Variants in SLC2A14 observed in about 807,000 individuals in gnomAD.
SLC2A14 encodes the protein solute carrier family 2, facilitated glucose transporter member 14.
SLC2A14 carries 13 observed loss-of-function variants against 43.0 expected under a neutral mutation model. The observed-to-expected ratio is 0.30, with a 90% CI of 0.20 to 0.48. SLC2A14 has a LOEUF of 0.48. Among genes scored for constraint, SLC2A14 ranks in the 20% least tolerant of loss-of-function variants. The pLI, the probability that SLC2A14 is intolerant of heterozygous loss-of-function variation, is 0.99. For synonymous variants in SLC2A14, 190 were observed against 233.8 expected, an observed-to-expected ratio of 0.81 and a Z score of 1.71; for missense variants, 428 against 620.4, an observed-to-expected ratio of 0.69 and a Z score of 3.29.
chr12:7,817,775 G>GATAGATAT, intron 10 of SLC2A14, 56 bp downstream of exon 10: 2 of 1,583,632 alleles, frequency 1.3e-6, no homozygotes, highest in Non-Finnish European at 8.6e-7. Context: ...TAGATAGATA[G>GATAGATAT]ATAGACAGAT....
At chr12:7,878,504 C>G (rs768542248) in intron 1 of SLC2A14, among the ~76,000 whole-genome samples, 1 of 151,540 alleles carries the variant, frequency 6.6e-6, no homozygotes, top group East Asian at 1.9e-4. Flanking sequence ...AGAGATCTAC[C>G]CACCTAGGCC....
At chr12:7,855,097 C>T (rs140484953) in intron 2 of SLC2A14, among the ~76,000 whole-genome samples, 6 of 152,006 alleles carry the variant, frequency 3.9e-5, no homozygotes, top group South Asian at 2.1e-4. Flanking sequence ...CATGAGCCAC[C>T]GCATCCAGCC....
At chr12:7,837,951 T>C (rs1195230752) in intron 2 of SLC2A14, among the ~76,000 whole-genome samples, 1 of 151,372 alleles carries the variant, frequency 6.6e-6, no homozygotes, top group Non-Finnish European at 1.5e-5. Flanking sequence ...AGAGGTGGGG[T>C]TTTACCATAT....
chr12:7,866,282 A>C (rs1302011727), intron 2 of SLC2A14, among the ~76,000 whole-genome samples: 1 of 151,886 alleles, frequency 6.6e-6, no homozygotes, highest in Non-Finnish European at 1.5e-5. Flanking sequence ...ATATGGAGAA[A>C]GTTTTAGTGG....
intron 2 of SLC2A14, among the ~76,000 whole-genome samples, chr12:7,861,352 A>C (rs113261939): frequency 2.6e-4 from 40 of 152,214 alleles, no homozygotes; most frequent in African/African-American, 9.1e-4. Context: ...TTTTATGTTT[A>C]AGTAGCTTCC....
rs3044922 is a variant in SLC2A14 at position 7,886,151 on chromosome 12, C to CTTTTTTTT, written c.132+4837_132+4844dup. 7.2e-4 allele frequency among the ~76,000 whole-genome samples: 32 copies of CTTTTTTTT among 44,730 alleles called. 1 individual carries two copies. The highest frequency in any genetic ancestry group is 2.7e-3 in the South Asian group (2 of 748). The allele number at this position is 44,730 out of a possible 152,430, so 29.3% of individuals were successfully genotyped here. On this transcript the variant is annotated intron_variant, in intron 1 of 9. Coordinates refer to the SLC2A14 transcript ENST00000539924. ...GGCATGTACCACCACGCCCGGACAGCTTTTTTTTTTTTTTTTTTTTTTTTT... is the reference window on the plus strand; with the variant it reads ...GGCATGTACCACCACGCCCGGACAGCTTTTTTTTTTTTTTTTTTTTTTTTTTTTTTTTT...
chr12:7,815,476 AT>A (rs1000333904), intron 10 of SLC2A14, among the ~76,000 whole-genome samples: 92 of 151,990 alleles, frequency 6.1e-4, no homozygotes, highest in African/African-American at 2.1e-3. Context: ...TTCTGCCGTC[AT>A]TTTTTTTCTA....
In SLC2A14 at chr12:7,821,327, T is replaced by C; in HGVS notation, c.865-2A>G. ...GATTCCTGTTGAGTAATAGAACACC[T>C]AGGAGAAAAGAAAACATGCAGCTTT... On this transcript the variant is annotated splice_acceptor_variant, in intron 7 of 10. Coordinates refer to ENST00000431042, the MANE Select transcript of SLC2A14 (RefSeq NM_001286234.2). LOFTEE classifies it high-confidence loss of function. 6.2e-7 allele frequency: 1 copy of C among 1,610,882 alleles called. No homozygotes were observed. Among genetic ancestry groups the C allele is most frequent in the Non-Finnish European group, 8.5e-7 (1 of 1,177,486 alleles).
Position 7,828,827 on chromosome 12 carries a change from A to G in SLC2A14, c.553T>C (p.Trp185Arg). The G allele has an allele frequency of 6.2e-7, 1 of 1,614,202 alleles. No homozygotes were observed. Among genetic ancestry groups the G allele is most frequent in the Non-Finnish European group, 8.5e-7 (1 of 1,180,028 alleles). ...LELILGSEEL[W>R]PVLLGFTILP... Reference sequence around the variant, plus strand: ...ATGGTAAAGCCTAATAGCACCGGCCATAGCTCTTCAGACCCAAGGATGAGT... The same window carrying G: ...ATGGTAAAGCCTAATAGCACCGGCCGTAGCTCTTCAGACCCAAGGATGAGT... The change falls in exon 6 of 11, where the codon TGG (tryptophan) becomes CGG (arginine). Residue 185 changes from tryptophan to arginine, a missense_variant. By Grantham distance (101) the Trp-to-Arg change is moderately radical. Around this residue, in one of 4 missense-constraint regions of SLC2A14, gnomAD observed 185 missense variants for 275.4 expected, o/e 0.67. Coordinates refer to ENST00000431042, the MANE Select transcript of SLC2A14 (RefSeq NM_001286234.2).
chr12:7,866,277 G>A (rs1944904475), intron 2 of SLC2A14, among the ~76,000 whole-genome samples: 1 of 151,340 alleles, frequency 6.6e-6, no homozygotes, highest in Non-Finnish European at 1.5e-5. Context: ...TGCTGATATG[G>A]AGAAAGTTTT....
intron 2 of SLC2A14, among the ~76,000 whole-genome samples, chr12:7,855,424 A>G (rs761142990): frequency 3.5e-4 from 53 of 151,996 alleles, no homozygotes; most frequent in Non-Finnish European, 6.2e-4. Flanking sequence ...TACAAGCATG[A>G]GCCACTGCGC....
chr12:7,818,576 C>T (rs1285939848), intron 9 of SLC2A14, among the ~76,000 whole-genome samples: 1 of 151,918 alleles, frequency 6.6e-6, no homozygotes, highest in Non-Finnish European at 1.5e-5. Flanking sequence ...GCAGGAGAAT[C>T]AATGAAGCCT....
chr12:7,828,572 G>A (rs1864705806), intron 6 of SLC2A14, 132 bp downstream of exon 6: 1 of 991,020 alleles, frequency 1.0e-6, no homozygotes, highest in Non-Finnish European at 1.5e-6. Flanking sequence ...ACAAAGTAGA[G>A]TAATCAGAAC....
chr12:7,828,603 C>T (rs756384811), intron 6 of SLC2A14, 101 bp downstream of exon 6: 323 of 1,243,546 alleles, frequency 2.6e-4, no homozygotes, highest in South Asian at 1.9e-3. Context: ...TGGATTCTGA[C>T]GGGCAGGGAA....
At chr12:7,844,958 G>A (rs1010311664) in intron 2 of SLC2A14, among the ~76,000 whole-genome samples, 1 of 152,122 alleles carries the variant, frequency 6.6e-6, no homozygotes, top group Admixed American at 6.6e-5. Context: ...TGGTAAGTAA[G>A]TAAAGTAGTT....
intron 7 of SLC2A14, among the ~76,000 whole-genome samples, chr12:7,824,979 G>A (rs1864219130): frequency 6.6e-6 from 1 of 151,892 alleles, no homozygotes. Context: ...AGAGGCATGA[G>A]CCACTGTCCC....
At chr12:7,883,556 A>G (rs1415380119) in intron 1 of SLC2A14, among the ~76,000 whole-genome samples, 3 of 138,634 alleles carry the variant, frequency 2.2e-5, no homozygotes, top group African/African-American at 8.2e-5. Flanking sequence ...ATGAGCCACC[A>G]CGCCCGGCCT....
chr12:7,861,741 C>G (rs763535635), intron 2 of SLC2A14, among the ~76,000 whole-genome samples: 3 of 151,826 alleles, frequency 2.0e-5, no homozygotes, highest in Non-Finnish European at 2.9e-5. Flanking sequence ...GGCAGCAGAT[C>G]TCCTGAGGTC....
At chr12:7,830,069 T>C in intron 4 of SLC2A14, 63 bp from the exon 5 acceptor site, 1 of 1,599,020 alleles carries the variant, frequency 6.3e-7, no homozygotes, top group South Asian at 1.1e-5. Context: ...CTTCTCCTCT[T>C]CTGTACTCAT....
Sources: gnomAD v4.1 joint callset for allele counts (sites outside exome capture counted in the v4.1 genomes callset) on GRCh38, gnomAD v4.1.1 for gene constraint, gnomAD v4.1.1 regional missense constraint, MANE v1.5 for transcripts, NCBI Gene and HGNC (gene_info 2026-07-23, HGNC 2026-07-21) for gene names.